TP63: variants seen among roughly 807,000 people sequenced by gnomAD.
TP63 encodes tumor protein 63.
TP63 carries 17 observed loss-of-function variants against 82.8 expected under a neutral mutation model. The observed-to-expected ratio is 0.21, with a 90% CI of 0.14 to 0.31. The LOEUF is 0.31. Among genes scored for constraint, TP63 ranks in the 10% least tolerant of loss-of-function variants. The probability of loss-of-function intolerance (pLI) is 1.00; values close to 1 mark genes in which losing one functional copy is unlikely to be tolerated. For missense variants in TP63, 648 were observed against 895.3 expected (o/e 0.72, Z 3.52); for synonymous variants, 330 against 321.7 (o/e 1.03, Z -0.28).
At chr3:189,782,861 T>A (rs866725891) in intron 3 of TP63, among the ~76,000 whole-genome samples, 2 of 152,086 alleles carry the variant, frequency 1.3e-5, no homozygotes, top group Admixed American at 1.3e-4. Context: ...TAAGAAATTT[T>A]AAAAAATATT....
chr3:189,610,751 T>G, the TP63 span, among the ~76,000 whole-genome samples: 17,442 of 152,212 alleles, frequency 0.11, 1,101 homozygotes, highest in East Asian at 0.23. Context: ...GGTACCAATT[T>G]ACTGTTTTAA....
Position 189,840,297 on chromosome 3 carries a change from T to C in TP63, c.580-23935T>C, listed in dbSNP as rs79535902. On this transcript the variant is annotated intron_variant, in intron 4 of 13. Coordinates refer to ENST00000264731, the MANE Select transcript of TP63 (RefSeq NM_003722.5). ...ACCATAATTCAGTCTATTGCTCCAA[T>C]TGGAGGATGTACAGTTGTTTTAGGA... Among the ~76,000 whole-genome samples, 98 of 150,532 alleles carry C rather than the reference T, an allele frequency of 6.5e-4. 2 individuals carry two copies. The East Asian group carries it at 0.015, about 24-fold the overall frequency.
At chr3:189,887,184 G>A (rs1471998106) in intron 11 of TP63, among the ~76,000 whole-genome samples, 1 of 150,414 alleles carries the variant, frequency 6.6e-6, no homozygotes, top group East Asian at 1.9e-4. Context: ...ACTCCAGCCT[G>A]GGTGACAGAG....
intron 7 of TP63, 78 bp from the exon 8 acceptor site, chr3:189,868,502 G>A (rs1005635915): frequency 5.0e-6 from 8 of 1,584,588 alleles, no homozygotes; most frequent in Middle Eastern, 2.2e-4. Context: ...CATATGGGAA[G>A]TGGAAGTGGT....
intron 1 of TP63, among the ~76,000 whole-genome samples, chr3:189,631,939 A>C (rs1008471433): frequency 6.6e-6 from 1 of 152,186 alleles, no homozygotes; most frequent in Admixed American, 6.6e-5. Flanking sequence ...AGTCAAAATA[A>C]ACACCAAATA....
chr3:189,793,469 T>C (rs1412459283), intron 3 of TP63, among the ~76,000 whole-genome samples: 3 of 152,116 alleles, frequency 2.0e-5, no homozygotes, highest in African/African-American at 7.2e-5. Context: ...GGACAGAATT[T>C]AGATTCTGCG....
chr3:189,768,345 G>A (rs930740958), intron 3 of TP63, among the ~76,000 whole-genome samples: 1 of 152,084 alleles, frequency 6.6e-6, no homozygotes, highest in Non-Finnish European at 1.5e-5. Context: ...GGGTGATTTT[G>A]TATAGAAGTT....
In TP63 at chr3:189,696,472, A is replaced by G. The variant is rs189780615; in HGVS notation, c.63-41268A>G. Among the ~76,000 whole-genome samples, 354 of 152,282 alleles carry G rather than the reference A, an allele frequency of 2.3e-3. 3 individuals are homozygous for G. Among genetic ancestry groups the G allele is most frequent in the Non-Finnish European group, 1.0e-3 (68 of 67,996 alleles). ...CTGAAAGACATCTTGCTTGCTTCCAATTCTTGGTAATTATGAATAAAACTG... is the reference window on the plus strand; with the variant it reads ...CTGAAAGACATCTTGCTTGCTTCCAGTTCTTGGTAATTATGAATAAAACTG... On this transcript the variant is annotated intron_variant, in intron 1 of 13. Transcript: ENST00000264731.
chr3:189,816,136 T>C (rs1431241439), intron 4 of TP63, among the ~76,000 whole-genome samples: 1 of 152,240 alleles, frequency 6.6e-6, no homozygotes, highest in Non-Finnish European at 1.5e-5. Flanking sequence ...ATCAATTTTC[T>C]CAGCTTACTA....
At chr3:189,644,411 A>G (rs1407890693) in intron 1 of TP63, among the ~76,000 whole-genome samples, 2 of 152,144 alleles carry the variant, frequency 1.3e-5, no homozygotes, top group Admixed American at 6.6e-5. Context: ...TATTTTGTGC[A>G]TATTCACTTA....
chr3:189,758,147 G>A (rs902257349), intron 3 of TP63, among the ~76,000 whole-genome samples: 6 of 152,158 alleles, frequency 3.9e-5, no homozygotes, highest in African/African-American at 1.4e-4. Context: ...AGATCATCAG[G>A]TATTAGTTAG....
intron 1 of TP63, among the ~76,000 whole-genome samples, chr3:189,712,642 A>C (rs576627263): frequency 1.1e-3 from 175 of 152,190 alleles, no homozygotes; most frequent in African/African-American, 4.1e-3. Context: ...ACCTCTTACT[A>C]TCATTACCTT....
intron 4 of TP63, among the ~76,000 whole-genome samples, chr3:189,820,624 G>A (rs1560218732): frequency 6.6e-6 from 1 of 152,212 alleles, no homozygotes; most frequent in Non-Finnish European, 1.5e-5. Flanking sequence ...ATACTAGTGA[G>A]TGGAGCCTTT....
chr3:189,887,556 A>T (rs1276091627), intron 11 of TP63, among the ~76,000 whole-genome samples: 1 of 152,198 alleles, frequency 6.6e-6, no homozygotes, highest in Non-Finnish European at 1.5e-5. Flanking sequence ...AAATATAATT[A>T]TCTTCTCCAC....
chr3:189,735,018 G>A (rs531679561), intron 1 of TP63, among the ~76,000 whole-genome samples: 2 of 152,166 alleles, frequency 1.3e-5, no homozygotes, highest in African/African-American at 2.4e-5. Flanking sequence ...TATTTTGAGG[G>A]TGTCATTAAT....
At chr3:189,875,686 T>G (rs1381562027) in intron 10 of TP63, among the ~76,000 whole-genome samples, 3 of 143,258 alleles carry the variant, frequency 2.1e-5, no homozygotes, top group African/African-American at 5.2e-5. Flanking sequence ...TATAGATAAA[T>G]GCGTGGATCT....
intron 4 of TP63, among the ~76,000 whole-genome samples, chr3:189,847,900 G>A (rs7624251): frequency 0.84 from 128,043 of 152,196 alleles, 54,009 homozygotes; most frequent in African/African-American, 0.87. Flanking sequence ...ATTTTTGTTA[G>A]TAAGATGGCC....
intron 1 of TP63, among the ~76,000 whole-genome samples, chr3:189,652,540 C>T (rs1279062092): frequency 1.4e-5 from 2 of 146,864 alleles, no homozygotes; most frequent in South Asian, 4.5e-4. Context: ...AGACTTTGGG[C>T]TTGGACTTTT....
rs185434582 is a variant in TP63 at position 189,836,848 on chromosome 3, A to G, written c.580-27384A>G. 5.9e-5 allele frequency among the ~76,000 whole-genome samples: 9 copies of G among 152,278 alleles called. No individual in the cohort carries two copies. The East Asian group carries it at 1.5e-3, about 26-fold the overall frequency. On this transcript the variant is annotated intron_variant, in intron 4 of 13. Coordinates refer to ENST00000264731, the MANE Select transcript of TP63 (RefSeq NM_003722.5). ...GACCAAAGTGTTTGTATTTGGCCCA[A>G]TTCCCCACGGCTAATAATAATCCCT...
Sources: allele counts gnomAD v4.1 joint callset (sites outside exome capture counted in the v4.1 genomes callset), GRCh38; gene constraint gnomAD v4.1.1; transcripts MANE v1.5; gene names NCBI Gene and HGNC (gene_info 2026-07-23, HGNC 2026-07-21).